RDH12: variants seen among roughly 807,000 people sequenced by gnomAD.
The protein encoded by RDH12 is all-trans and 9-cis retinol dehydrogenase.
A neutral mutation model predicts 34.0 loss-of-function variants in RDH12; 21 were observed. The observed-to-expected ratio is 0.62, with a 90% confidence interval of 0.44 to 0.89. The LOEUF (loss-of-function observed/expected upper bound fraction) is 0.89, where lower values mean the gene tolerates loss of function less well. RDH12 is among the 40% of genes least tolerant of loss of function. The probability of loss-of-function intolerance (pLI) is 0.00; values close to 1 mark genes in which losing one functional copy is unlikely to be tolerated. For synonymous variants in RDH12, 198 were observed against 169.9 expected (o/e 1.17, Z -1.29); for missense variants, 394 against 398.6 (o/e 0.99, Z 0.10).
At chr14:67,714,158 CAG>C (rs2038041847) in intron 1 of RDH12, among the ~76,000 whole-genome samples, 1 of 152,112 alleles carries the variant, frequency 6.6e-6, no homozygotes, top group South Asian at 2.1e-4. Flanking sequence ...ACTTTTGAGA[CAG>C]GGTCTTGCTC....
intron 1 of RDH12, among the ~76,000 whole-genome samples, chr14:67,717,263 C>T (rs2038078735): frequency 6.6e-6 from 1 of 152,112 alleles, no homozygotes; most frequent in African/African-American, 2.4e-5. Flanking sequence ...AGAACATTTC[C>T]ATCACCTCAG....
rs1006442414 is a variant in RDH12, at chr14:67,712,351, G to A, written c.-274-8497G>A. ...CTTTTATAGTGCACTTAAAAATTTT[G>A]TTGTTGTTGTTTTTTGTTTTTTAAT... is the stretch of plus-strand genomic sequence containing the variant. On this transcript the variant is annotated intron_variant, in intron 1 of 8. Coordinates refer to ENST00000551171, the MANE Select transcript of RDH12 (RefSeq NM_152443.3). Among the ~76,000 whole-genome samples the A allele has an allele frequency of 1.2e-3, 189 of 152,048 alleles. 2 individuals carry two copies. The highest frequency in any genetic ancestry group is 4.5e-3 in the African/African-American group (187 of 41,456).
At position 67,712,493 on chromosome 14, in the gene RDH12, CAA is replaced by C. The variant is rs79758974; in HGVS notation, c.-274-8332_-274-8331del. 0.014 allele frequency among the ~76,000 whole-genome samples: 526 copies of C among 38,758 alleles called. 9 individuals carry two copies. In the East Asian group the frequency reaches 0.15, roughly 11 times the overall value. The allele number at this position is 38,758 out of a possible 152,430, so 25.4% of individuals were successfully genotyped here. The stretch of plus-strand genomic sequence containing the variant: ...CAGTCAACTGAGAAGAAAAAACTTG[CAA>C]AAAAAAAAAAAAAAAAAAAAAAGAC... On this transcript the variant is annotated intron_variant, in intron 1 of 8. Coordinates refer to ENST00000551171, the MANE Select transcript of RDH12 (RefSeq NM_152443.3).
chr14:67,722,271 A>G (rs533080115), intron 2 of RDH12, among the ~76,000 whole-genome samples, 153 bp from the exon 3 acceptor site: 1 of 152,350 alleles, frequency 6.6e-6, no homozygotes, highest in Admixed American at 6.5e-5. Context: ...ATCTTGCAGT[A>G]GAGGTGGCAG....
chr14:67,713,615 T>C (rs2038035010), intron 1 of RDH12, among the ~76,000 whole-genome samples: 1 of 152,162 alleles, frequency 6.6e-6, no homozygotes, highest in African/African-American at 2.4e-5. Flanking sequence ...GAGAATCCTT[T>C]TGTGGTTAAC....
At chr14:67,714,990 TGA>T (rs2140124161) in intron 1 of RDH12, 1 of 152,350 alleles carries the variant, frequency 6.6e-6, no homozygotes, top group East Asian at 1.9e-4. Context: ...AGATTCTTGC[TGA>T]GAGAATTAAT....
chr14:67,704,270 C>T (rs1309475938), intron 1 of RDH12, among the ~76,000 whole-genome samples: 1 of 151,866 alleles, frequency 6.6e-6, no homozygotes, highest in Non-Finnish European at 1.5e-5. Context: ...CAGCTAGAGG[C>T]AAAAAGGAGA....
Position 67,733,758 on chromosome 14 carries a change from G to T in RDH12, c.861G>T (p.Arg287Ser). ...LSGKYFSDCK[R>S]TWVSPRARNN... ...CTCTGCCCTCCAGTGACTGCAAGAG[G>T]ACCTGGGTGTCTCCAAGGGCCCGAA... is the stretch of plus-strand genomic sequence containing the variant. Residue 287 changes from arginine to serine, a missense_variant, in exon 9 of 9, where the codon AGG (arginine) becomes AGT (serine). Transcript: ENST00000551171. 1 of 1,612,620 alleles carries T rather than the reference G, an allele frequency of 6.2e-7. No individual in the cohort carries two copies. The highest frequency in any genetic ancestry group is 1.1e-5 in the South Asian group (1 of 91,006).
chr14:67,729,838 A>T (rs1160731487), intron 8 of RDH12: 2 of 465,460 alleles, frequency 4.3e-6, no homozygotes, highest in Admixed American at 4.6e-5. Context: ...ATATAGAAGT[A>T]GAAATTTTAG....
At chr14:67,716,880 T>TC (rs1333799437) in intron 1 of RDH12, among the ~76,000 whole-genome samples, 1 of 128,332 alleles carries the variant, frequency 7.8e-6, no homozygotes, top group African/African-American at 2.9e-5. Context: ...TGAGTCTCTG[T>TC]CAAAAAAAAA....
chr14:67,727,286 T>A, intron 7 of RDH12, 96 bp downstream of exon 7: 4 of 859,790 alleles, frequency 4.7e-6, no homozygotes, highest in Non-Finnish European at 7.6e-6. Flanking sequence ...CATGCACGTG[T>A]CAGTAATATC....
chr14:67,724,926 A>C (rs1240007927), intron 4 of RDH12, among the ~76,000 whole-genome samples, 173 bp from the exon 5 acceptor site: 1 of 152,226 alleles, frequency 6.6e-6, no homozygotes, highest in Non-Finnish European at 1.5e-5. Context: ...AACTGACAGC[A>C]AGAAGACTGA....
At chr14:67,710,944 G>T (rs1160393664) in intron 1 of RDH12, among the ~76,000 whole-genome samples, 1 of 151,860 alleles carries the variant, frequency 6.6e-6, no homozygotes, top group African/African-American at 2.4e-5. Context: ...TTAAAATTAT[G>T]GAACCACCAT....
At chr14:67,729,738 C>T (rs753640160) in intron 8 of RDH12, 1 of 510,434 alleles carries the variant, frequency 2.0e-6, no homozygotes. Context: ...TTTTTAAATA[C>T]CAATTAGCAC....
chr14:67,727,484 T>C (rs1438706291), intron 7 of RDH12: 2 of 345,428 alleles, frequency 5.8e-6, no homozygotes, highest in Non-Finnish European at 1.1e-5. Context: ...TTGTTTTTTT[T>C]GTTTTTTTTT....
rs1437418633 is a variant in RDH12, at chr14:67,722,653, C to T, written c.11C>T (p.Thr4Ile). 2 of 1,613,774 alleles carry T rather than the reference C, an allele frequency of 1.2e-6. No individual in the cohort carries two copies. The highest frequency in any genetic ancestry group is 1.7e-6 in the Non-Finnish European group (2 of 1,179,796). The change falls in exon 3 of 9, where the codon ACC becomes ATC. Residue 4 changes from threonine (T) to isoleucine (I), a missense_variant. Thr to Ile is a moderately conservative substitution (Grantham distance 89, BLOSUM62 -1). Coordinates refer to ENST00000551171, the MANE Select transcript of RDH12 (RefSeq NM_152443.3). The part of the protein sequence containing the change: MLV[T>I]LGLLTSFFSF... Reference sequence around the variant, plus strand: ...ACAGAAGTTGGAACGATGCTGGTCACCTTGGGACTGCTCACCTCCTTCTTC... The same window carrying T: ...ACAGAAGTTGGAACGATGCTGGTCATCTTGGGACTGCTCACCTCCTTCTTC...
chr14:67,726,830 C>T (rs780887900), intron 6 of RDH12, 151 bp from the exon 7 acceptor site: 1 of 716,120 alleles, frequency 1.4e-6, no homozygotes, highest in African/African-American at 1.7e-5. Context: ...TCCACAAACT[C>T]AGACCAAACT....
intron 3 of RDH12, among the ~76,000 whole-genome samples, chr14:67,723,386 A>T (rs916070899): frequency 2.6e-5 from 4 of 152,100 alleles, no homozygotes; most frequent in African/African-American, 9.7e-5. Flanking sequence ...GGCAGGTGCC[A>T]CTACACCCAG....
chr14:67,725,909 G>A (rs2038178962), intron 5 of RDH12, 142 bp from the exon 6 acceptor site: 3 of 729,864 alleles, frequency 4.1e-6, no homozygotes, highest in African/African-American at 1.7e-5. Context: ...AAAAGGAAGG[G>A]GCAGAGCAAG....
Sources: allele counts gnomAD v4.1 joint callset (sites outside exome capture counted in the v4.1 genomes callset), GRCh38; gene constraint gnomAD v4.1.1; transcripts MANE v1.5; gene names NCBI Gene and HGNC (gene_info 2026-07-23, HGNC 2026-07-21).